RGSL1: variants seen among roughly 807,000 people sequenced by gnomAD.
RGSL1 encodes regulator of G protein signaling protein-like.
In RGSL1, 97 loss-of-function variants were observed where a neutral mutation model predicts 124.7. The ratio of observed to expected loss-of-function variants is 0.78; its 90% confidence interval spans 0.66 to 0.92. RGSL1 has a LOEUF of 0.92. RGSL1 is among the 40% of genes least tolerant of loss of function. The probability of loss-of-function intolerance (pLI) is 0.00; values close to 1 mark genes in which losing one functional copy is unlikely to be tolerated. For missense variants in RGSL1, 1,233 were observed against 1,288.4 expected, an observed-to-expected ratio of 0.96 and a Z score of 0.66; for synonymous variants, 424 against 438.1, an observed-to-expected ratio of 0.97 and a Z score of 0.40.
At chr1:182,521,054 A>G (rs41299643) in intron 9 of RGSL1, among the ~76,000 whole-genome samples, 10,247 of 152,152 alleles carry the variant, frequency 0.067, 503 homozygotes, top group Non-Finnish European at 0.094. Flanking sequence ...CTTCAATAAT[A>G]AAGTTTTGTT....
At chr1:182,490,560 C>A (rs994145768) in intron 8 of RGSL1, among the ~76,000 whole-genome samples, 2 of 152,128 alleles carry the variant, frequency 1.3e-5, no homozygotes, top group Non-Finnish European at 2.9e-5. Flanking sequence ...CATAGAGATT[C>A]CACTCTCTCT....
chr1:182,536,699 G>A (rs1231062763), intron 14 of RGSL1, among the ~76,000 whole-genome samples: 1 of 152,204 alleles, frequency 6.6e-6, no homozygotes, highest in African/African-American at 2.4e-5. Context: ...CATGGCAGAA[G>A]GCTAGGAGGA....
chr1:182,468,105 A>G (rs1478671677), intron 4 of RGSL1, among the ~76,000 whole-genome samples: 1 of 152,258 alleles, frequency 6.6e-6, no homozygotes, highest in Non-Finnish European at 1.5e-5. Context: ...GATCATTAAA[A>G]AGTCAGGAAA....
At chr1:182,450,462 G>A in intron 1 of RGSL1, 1 of 505,650 alleles carries the variant, frequency 2.0e-6, no homozygotes, top group Non-Finnish European at 3.6e-6. Context: ...GAGAAGACTG[G>A]TATGGGGTTT....
chr1:182,533,364 C>T (rs980886912), intron 14 of RGSL1, among the ~76,000 whole-genome samples: 19 of 149,208 alleles, frequency 1.3e-4, no homozygotes, highest in South Asian at 2.1e-4. Context: ...CATATATCTG[C>T]CTTGTTTTTG....
intron 21 of RGSL1, among the ~76,000 whole-genome samples, chr1:182,557,729 TTAATGA>T (rs1660942156): frequency 6.6e-6 from 1 of 152,224 alleles, no homozygotes; most frequent in African/African-American, 2.4e-5. Context: ...TTTAAAAGGA[TTAATGA>T]TACTTATTAG....
rs918699398 is a variant in RGSL1 at position 182,464,495 on chromosome 1, G to A, written c.301+4362G>A. On this transcript the variant is annotated intron_variant, in intron 4 of 21. Transcript: ENST00000294854. ...TCCCAGCACTTTGGGAGGCCTTAGGGGGTGGATCACCTCAGGTCAGGAGCT... is the reference window on the plus strand; with the variant it reads ...TCCCAGCACTTTGGGAGGCCTTAGGAGGTGGATCACCTCAGGTCAGGAGCT... 5.3e-5 allele frequency among the ~76,000 whole-genome samples: 8 copies of A among 152,190 alleles called. 1 individual carries two copies. The highest frequency in any genetic ancestry group is 1.9e-4 in the East Asian group (1 of 5,174).
intron 9 of RGSL1, among the ~76,000 whole-genome samples, chr1:182,516,768 T>A (rs1657928258): frequency 6.6e-6 from 1 of 152,202 alleles, no homozygotes. Context: ...ACAGTTTGAC[T>A]TCAGTTATCT....
At chr1:182,473,451 A>G (rs1654013084) in intron 5 of RGSL1, 124 bp from the exon 6 acceptor site, 3 of 1,072,928 alleles carry the variant, frequency 2.8e-6, no homozygotes, top group South Asian at 3.6e-5. Flanking sequence ...CTCCAGGATT[A>G]TATGAGGAAC....
At chr1:182,500,773 A>G (rs956956369) in intron 9 of RGSL1, among the ~76,000 whole-genome samples, 2 of 152,080 alleles carry the variant, frequency 1.3e-5, no homozygotes, top group South Asian at 2.1e-4. Flanking sequence ...AACTATTTTT[A>G]TTTCATTTCA....
At position 182,466,203 on chromosome 1, in the gene RGSL1, G is replaced by A. The variant is rs535074727; in HGVS notation, c.301+6070G>A. ...AAGCTACATATGAAAAACCCACAGT[G>A]AACATCATACTCAATGACAAAAAAC... On this transcript the variant is annotated intron_variant, in intron 4 of 21. Coordinates refer to ENST00000294854, the MANE Select transcript of RGSL1 (RefSeq NM_001137669.2). Among the ~76,000 whole-genome samples the A allele has an allele frequency of 1.4e-3, 212 of 152,126 alleles. 1 individual carries two copies. Among genetic ancestry groups the A allele is most frequent in the Non-Finnish European group, 2.5e-3 (171 of 67,984 alleles).
intron 4 of RGSL1, among the ~76,000 whole-genome samples, chr1:182,466,079 A>T (rs780757576): frequency 4.0e-4 from 61 of 152,194 alleles, no homozygotes; most frequent in Non-Finnish European, 2.8e-4. Flanking sequence ...AATCATCTCA[A>T]TAGATGCAGA....
At chr1:182,509,698 C>G (rs367611377) in intron 9 of RGSL1, among the ~76,000 whole-genome samples, 1 of 130,536 alleles carries the variant, frequency 7.7e-6, no homozygotes, top group Non-Finnish European at 1.7e-5. Flanking sequence ...CCGGACGGCA[C>G]GGCTGGCCGG....
intron 16 of RGSL1, 100 bp downstream of exon 16, chr1:182,548,555 C>T: frequency 6.6e-7 from 1 of 1,517,560 alleles, no homozygotes; most frequent in Non-Finnish European, 8.9e-7. Flanking sequence ...TAAGTCCTGG[C>T]TAACTACATA....
At chr1:182,510,951 T>A (rs1260400848) in intron 9 of RGSL1, among the ~76,000 whole-genome samples, 1 of 152,184 alleles carries the variant, frequency 6.6e-6, no homozygotes, top group Non-Finnish European at 1.5e-5. Flanking sequence ...TTGTATATTT[T>A]TATTTTGGTT....
At chr1:182,557,445 A>G (rs1660926783) in intron 21 of RGSL1, among the ~76,000 whole-genome samples, 2 of 152,218 alleles carry the variant, frequency 1.3e-5, no homozygotes, top group African/African-American at 2.4e-5. Context: ...GCATGAAACT[A>G]GAGAGGATGT....
Position 182,474,378 on chromosome 1 carries a change from ATC to A in RGSL1, c.1269_1270del (p.Phe424SerfsTer6), listed in dbSNP as rs1654116119. ...LLNNKKNGNAIFRHLLGDRIC... is the reference protein window; with the variant it reads ...LLNNKKNGNAXFRHLLGDRIC... ...GAATAACAAAAAGAATGGGAATGCA[ATC>A]TTTCGTCACTTGCTGGGTGACAGAA... On this transcript the variant is annotated frameshift_variant, in exon 6 of 22. Transcript: ENST00000294854. LOFTEE classifies it high-confidence loss of function. The A allele has an allele frequency of 1.9e-6, 3 of 1,551,966 alleles. No individual in the cohort carries two copies. The highest frequency in any genetic ancestry group is 2.4e-5 in the South Asian group (2 of 84,062).
At chr1:182,508,290 GTTTTT>G (rs58641894) in intron 9 of RGSL1, among the ~76,000 whole-genome samples, 6 of 53,784 alleles carry the variant, frequency 1.1e-4, no homozygotes, top group Admixed American at 3.1e-4. Context: ...TGGTGGTGGT[GTTTTT>G]TTTTTTTTTT....
At chr1:182,481,743 G>A (rs531350158) in intron 6 of RGSL1, among the ~76,000 whole-genome samples, 7 of 124,300 alleles carry the variant, frequency 5.6e-5, no homozygotes, top group African/African-American at 1.0e-4. Flanking sequence ...AGCACTTTGC[G>A]AGGCTGAAGT....
Sources: gnomAD v4.1 joint callset for allele counts (sites outside exome capture counted in the v4.1 genomes callset) on GRCh38, gnomAD v4.1.1 for gene constraint, MANE v1.5 for transcripts, NCBI Gene and HGNC (gene_info 2026-07-23, HGNC 2026-07-21) for gene names.